Variants in WWOX observed in about 807,000 individuals in gnomAD.
The protein encoded by WWOX is WW domain-containing oxidoreductase.
A neutral mutation model predicts 46.2 loss-of-function variants in WWOX; 69 were observed. That is an observed-to-expected ratio of 1.49 (90% CI 1.23 to 1.82). The LOEUF is 1.82. WWOX is among the 40% of genes most tolerant of loss of function. WWOX has a pLI of 0.00. For missense variants in WWOX, 919 were observed against 542.6 expected, an observed-to-expected ratio of 1.69 and a Z score of -6.89; for synonymous variants, 359 against 202.6, an observed-to-expected ratio of 1.77 and a Z score of -6.56.
At chr16:78,798,601 T>G (rs889514395) in intron 8 of WWOX, among the ~76,000 whole-genome samples, 5 of 151,764 alleles carry the variant, frequency 3.3e-5, no homozygotes, top group African/African-American at 1.2e-4. Flanking sequence ...GTTTTTTTTT[T>G]TTTTTTAAGA....
intron 8 of WWOX, among the ~76,000 whole-genome samples, chr16:78,632,712 C>G (rs1047717286): frequency 1.3e-5 from 2 of 151,878 alleles, no homozygotes; most frequent in African/African-American, 4.8e-5. Flanking sequence ...GTGTGCGCCA[C>G]CACGCCCAGC....
At chr16:78,334,772 A>G (rs1243313382) in intron 5 of WWOX, among the ~76,000 whole-genome samples, 2 of 151,384 alleles carry the variant, frequency 1.3e-5, no homozygotes, top group African/African-American at 4.9e-5. Context: ...ACCCACCAGG[A>G]AAATGGGAAA....
chr16:78,404,090 A>T (rs1004808541), intron 6 of WWOX, among the ~76,000 whole-genome samples: 4 of 152,186 alleles, frequency 2.6e-5, no homozygotes, highest in African/African-American at 7.2e-5. Context: ...TTTCCAGTGC[A>T]ATTTTATAAA....
intron 8 of WWOX, among the ~76,000 whole-genome samples, chr16:78,971,484 A>C (rs1327164062): frequency 2.0e-5 from 3 of 147,542 alleles, no homozygotes; most frequent in Non-Finnish European, 4.5e-5. Flanking sequence ...AGAGAGAGAT[A>C]GGCTGTTTAA....
intron 8 of WWOX, among the ~76,000 whole-genome samples, chr16:79,047,892 G>T (rs1567513281): frequency 6.6e-6 from 1 of 151,138 alleles, no homozygotes; most frequent in African/African-American, 2.5e-5. Flanking sequence ...CAGATTCACA[G>T]ACTCTGCATT....
intron 8 of WWOX, among the ~76,000 whole-genome samples, chr16:78,751,433 A>G (rs1345965860): frequency 7.0e-6 from 1 of 142,600 alleles, no homozygotes; most frequent in Non-Finnish European, 1.5e-5. Flanking sequence ...ATATATATTT[A>G]TCAGATTATA....
At chr16:78,352,416 A>G (rs1327046895) in intron 5 of WWOX, among the ~76,000 whole-genome samples, 3 of 152,216 alleles carry the variant, frequency 2.0e-5, no homozygotes, top group Admixed American at 6.5e-5. Context: ...AGGTTCTAGA[A>G]GAGAACCCAC....
At chr16:78,797,609 G>A (rs983561733) in intron 8 of WWOX, among the ~76,000 whole-genome samples, 7 of 152,204 alleles carry the variant, frequency 4.6e-5, no homozygotes, top group African/African-American at 1.7e-4. Flanking sequence ...GCTTCCATGT[G>A]CTTATTTGAA....
rs529683634 is a variant in WWOX at position 78,507,643 on chromosome 16, C to T, written c.1056+74891C>T. 7.9e-5 allele frequency among the ~76,000 whole-genome samples: 12 copies of T among 152,252 alleles called. No homozygotes were observed. In the South Asian group the frequency reaches 2.5e-3, roughly 32 times the overall value. On this transcript the variant is annotated intron_variant, in intron 8 of 8. Transcript: ENST00000566780. ...ATACTCGACATTCTTTGAGAAATGC[C>T]TTGGTCCCGTCTCCAGCCAGATCAG...
intron 8 of WWOX, chr16:78,780,590 A>C (rs1215100991): frequency 6.6e-6 from 1 of 152,252 alleles, no homozygotes; most frequent in East Asian, 1.9e-4. Context: ...TGTGGAAGCA[A>C]CTTCGGGGGA....
intron 5 of WWOX, among the ~76,000 whole-genome samples, chr16:78,233,589 C>T (rs1267822636): frequency 7.5e-5 from 11 of 147,622 alleles, no homozygotes; most frequent in Middle Eastern, 3.5e-3. Context: ...TGCACTATCG[C>T]GATCTCGGCT....
chr16:79,064,338 G>T (rs1000375692), intron 8 of WWOX, among the ~76,000 whole-genome samples: 1 of 152,182 alleles, frequency 6.6e-6, no homozygotes, highest in Non-Finnish European at 1.5e-5. Context: ...GAATTCGATG[G>T]GTTGCACTGT....
intron 8 of WWOX, among the ~76,000 whole-genome samples, chr16:78,977,710 G>T (rs575423719): frequency 1.3e-5 from 2 of 152,172 alleles, no homozygotes; most frequent in East Asian, 1.9e-4. Flanking sequence ...ATCAGCAGGG[G>T]CAGGGGGTGC....
At chr16:78,914,866 G>A (rs898578743) in intron 8 of WWOX, among the ~76,000 whole-genome samples, 9 of 136,426 alleles carry the variant, frequency 6.6e-5, no homozygotes, top group Admixed American at 3.9e-4. Flanking sequence ...GTGACAGAGC[G>A]AGACTCCGCC....
At chr16:79,031,553 G>C (rs1028813139) in intron 8 of WWOX, among the ~76,000 whole-genome samples, 1 of 152,004 alleles carries the variant, frequency 6.6e-6, no homozygotes, top group African/African-American at 2.4e-5. Context: ...CCCTGTGGAT[G>C]TGTATGCTAA....
intron 7 of WWOX, among the ~76,000 whole-genome samples, chr16:78,430,096 G>T (rs2083180360): frequency 6.6e-6 from 1 of 152,176 alleles, no homozygotes; most frequent in Admixed American, 6.5e-5. Context: ...GGCTGGGGAG[G>T]CCTCACAATC....
At chr16:78,527,490 C>G (rs371264463) in intron 8 of WWOX, among the ~76,000 whole-genome samples, 1 of 151,984 alleles carries the variant, frequency 6.6e-6, no homozygotes, top group Non-Finnish European at 1.5e-5. Context: ...GGTGGAGTTT[C>G]GCCATGTTGG....
intron 6 of WWOX, among the ~76,000 whole-genome samples, chr16:78,396,106 G>T (rs571943332): frequency 6.6e-6 from 1 of 152,276 alleles, no homozygotes; most frequent in South Asian, 2.1e-4. Context: ...TCACAACAGT[G>T]CCAAGAACTT....
intron 8 of WWOX, chr16:78,551,606 T>G (rs1335070853): frequency 2.0e-5 from 3 of 152,236 alleles, no homozygotes; most frequent in African/African-American, 7.2e-5. Context: ...CTTTGAATGG[T>G]GAATACCCTC....
Sources: allele counts gnomAD v4.1 joint callset (sites outside exome capture counted in the v4.1 genomes callset), GRCh38; gene constraint gnomAD v4.1.1; transcripts MANE v1.5; gene names NCBI Gene and HGNC (gene_info 2026-07-23, HGNC 2026-07-21).